The following MMP16 variants were observed in gnomAD, a reference collection of about 807,000 sequenced individuals.
MMP16 encodes matrix metalloproteinase-16.
Under a neutral mutation model 67.8 loss-of-function variants are expected in MMP16, and 12 were observed. The observed-to-expected ratio is 0.18, with a 90% CI of 0.11 to 0.29. The LOEUF is 0.29. Among genes scored for constraint, MMP16 ranks in the 10% least tolerant of loss-of-function variants. The pLI is 1.00. For synonymous variants in MMP16, 249 were observed against 255.9 expected, an observed-to-expected ratio of 0.97 and a Z score of 0.26; for missense variants, 475 against 765.7, an observed-to-expected ratio of 0.62 and a Z score of 4.48.
intron 1 of MMP16, among the ~76,000 whole-genome samples, chr8:88,229,951 G>A (rs748546876): frequency 2.6e-4 from 40 of 152,042 alleles, no homozygotes; most frequent in Non-Finnish European, 1.3e-4. Flanking sequence ...GAATCACTGC[G>A]TCTTTCCTCC....
At chr8:88,099,367 CTAATA>C (rs1809093571) in intron 6 of MMP16, among the ~76,000 whole-genome samples, 1 of 151,648 alleles carries the variant, frequency 6.6e-6, no homozygotes, top group Non-Finnish European at 1.5e-5. Flanking sequence ...GCTGAAGTCT[CTAATA>C]TAATATATAG....
At chr8:88,193,193 G>A (rs1170257418) in intron 2 of MMP16, among the ~76,000 whole-genome samples, 3 of 152,066 alleles carry the variant, frequency 2.0e-5, no homozygotes, top group African/African-American at 4.8e-5. Context: ...AGAAAATATG[G>A]TATTTATACA....
chr8:88,112,666 G>GGTGTGTGTGTGTGTGTGTGTGTGT lies in MMP16; in HGVS notation c.1083+3840_1083+3841insACACACACACACACACACACACAC, dbSNP rs6150692. Among the ~76,000 whole-genome samples, 672 of 146,878 alleles carry GGTGTGTGTGTGTGTGTGTGTGTGT rather than the reference G, an allele frequency of 4.6e-3. 4 individuals carry two copies. Among genetic ancestry groups the GGTGTGTGTGTGTGTGTGTGTGTGT allele is most frequent in the African/African-American group, 9.8e-3 (390 of 39,698 alleles). ...AATTTTTCATGCATAAGGACAGAAG[G>GGTGTGTGTGTGTGTGTGTGTGTGT]GTGTGTGTGTGTGTGTGTCTGTGTG... On this transcript the variant is annotated intron_variant, in intron 6 of 9. Transcript: ENST00000286614.
chr8:88,182,086 T>C (rs1471541513), intron 3 of MMP16, among the ~76,000 whole-genome samples: 1 of 152,062 alleles, frequency 6.6e-6, no homozygotes, highest in East Asian at 1.9e-4. Flanking sequence ...CTAGGGACTT[T>C]GGGTTTAATG....
chr8:88,208,063 G>C (rs1489466248), intron 1 of MMP16, among the ~76,000 whole-genome samples: 1 of 152,198 alleles, frequency 6.6e-6, no homozygotes, highest in Non-Finnish European at 1.5e-5. Context: ...CTAGTTATTA[G>C]ATGTCTTGAA....
intron 8 of MMP16, among the ~76,000 whole-genome samples, chr8:88,055,922 T>A (rs778754274): frequency 2.0e-5 from 3 of 152,222 alleles, no homozygotes; most frequent in Admixed American, 6.5e-5. Flanking sequence ...GTATACACAT[T>A]CATAAGAAAG....
chr8:88,263,226 C>T (rs1390402647), intron 1 of MMP16, among the ~76,000 whole-genome samples: 4 of 151,852 alleles, frequency 2.6e-5, no homozygotes, highest in Non-Finnish European at 4.4e-5. Context: ...ACAAACATAA[C>T]ATAAAGATGC....
intron 1 of MMP16, among the ~76,000 whole-genome samples, chr8:88,232,238 G>T (rs1247085507): frequency 1.3e-5 from 2 of 152,080 alleles, no homozygotes; most frequent in African/African-American, 2.4e-5. Context: ...GATTTTGTAA[G>T]AAATTCGGTT....
chr8:88,242,497 G>A (rs1216646979), intron 1 of MMP16, among the ~76,000 whole-genome samples: 1 of 152,122 alleles, frequency 6.6e-6, no homozygotes, highest in African/African-American at 2.4e-5. Context: ...TGTGAACACA[G>A]CAATATAAAG....
intron 6 of MMP16, among the ~76,000 whole-genome samples, chr8:88,110,840 T>C (rs533515621): frequency 1.3e-5 from 2 of 151,772 alleles, no homozygotes; most frequent in Admixed American, 6.6e-5. Context: ...TTTGAGTTAA[T>C]TAATATGATG....
intron 1 of MMP16, among the ~76,000 whole-genome samples, chr8:88,290,382 C>G (rs1810907963): frequency 6.6e-6 from 1 of 152,056 alleles, no homozygotes; most frequent in African/African-American, 2.4e-5. Flanking sequence ...GAAACCCCGT[C>G]TCTACTAAAA....
intron 8 of MMP16, among the ~76,000 whole-genome samples, chr8:88,049,105 T>C (rs1808236831): frequency 6.6e-6 from 1 of 152,168 alleles, no homozygotes. Context: ...TCACAGGTAT[T>C]TGTTGCAGGT....
intron 6 of MMP16, among the ~76,000 whole-genome samples, chr8:88,102,761 T>G (rs1464313426): frequency 6.6e-6 from 1 of 151,826 alleles, no homozygotes; most frequent in African/African-American, 2.4e-5. Context: ...CTCCAAGGCG[T>G]TTAAAAATTG....
At chr8:88,206,614 T>A (rs182399585) in intron 1 of MMP16, among the ~76,000 whole-genome samples, 3 of 152,242 alleles carry the variant, frequency 2.0e-5, no homozygotes, top group African/African-American at 7.2e-5. Context: ...CTGGAATAAT[T>A]GGATACATAA....
intron 1 of MMP16, among the ~76,000 whole-genome samples, chr8:88,220,393 T>A (rs1179792854): frequency 6.6e-6 from 1 of 152,176 alleles, no homozygotes; most frequent in African/African-American, 2.4e-5. Context: ...GACTGTTCTA[T>A]AGAAATCCCT....
chr8:88,268,847 T>C (rs1476854285), intron 1 of MMP16, among the ~76,000 whole-genome samples: 1 of 152,182 alleles, frequency 6.6e-6, no homozygotes, highest in African/African-American at 2.4e-5. Flanking sequence ...TAACTTTCTA[T>C]TCACTCTTCT....
Position 88,289,807 on chromosome 8 carries a change from G to GA in MMP16, c.132+37267dup, listed in dbSNP as rs200107115. ...ATTTTCCTCTTTTTTAAAAAAAAAGGAAAAAAAAATTCACAAGTGTTAGGT... is the reference window on the plus strand; with the variant it reads ...ATTTTCCTCTTTTTTAAAAAAAAAGGAAAAAAAAAATTCACAAGTGTTAGGT... On this transcript the variant is annotated intron_variant, in intron 1 of 9. Transcript: ENST00000286614. Among the ~76,000 whole-genome samples the GA allele has an allele frequency of 2.7e-5, 4 of 148,624 alleles. No homozygotes were observed. In the East Asian group the frequency reaches 5.9e-4, roughly 22 times the overall value.
rs1006313322 is a variant in MMP16, at chr8:88,036,042, G to C, written c.*5419C>G. 1 of 151,948 alleles carries C rather than the reference G, an allele frequency of 6.6e-6. No individual in the cohort carries two copies. The highest frequency in any genetic ancestry group is 2.4e-5 in the African/African-American group (1 of 41,442). The allele number at this position is 151,948 out of a possible 1,614,324, so 9.4% of individuals were successfully genotyped here. The stretch of plus-strand genomic sequence containing the variant: ...GGCAACTTCTTTGCTACTACGCCAA[G>C]TGTCTTAGATTACATGAGTATTGAG... On this transcript the variant is annotated 3_prime_UTR_variant, in exon 10 of 10. Coordinates refer to ENST00000286614, the MANE Select transcript of MMP16 (RefSeq NM_005941.5).
intron 3 of MMP16, among the ~76,000 whole-genome samples, chr8:88,170,135 T>C (rs1016673096): frequency 3.3e-5 from 5 of 152,162 alleles, no homozygotes; most frequent in Admixed American, 1.3e-4. Context: ...GGATTAGACA[T>C]AGGCTATGAG....
Sources: allele counts gnomAD v4.1 joint callset (sites outside exome capture counted in the v4.1 genomes callset), GRCh38; gene constraint gnomAD v4.1.1; transcripts MANE v1.5; gene names NCBI Gene and HGNC (gene_info 2026-07-23, HGNC 2026-07-21).